PPP2R2A: variants seen among roughly 807,000 people sequenced by gnomAD.
The protein encoded by PPP2R2A is serine/threonine-protein phosphatase 2A 55 kDa regulatory subunit B alpha isoform.
PPP2R2A carries 9 observed loss-of-function variants against 53.2 expected under a neutral mutation model. The observed-to-expected ratio is 0.17, with a 90% CI of 0.10 to 0.30. The LOEUF (loss-of-function observed/expected upper bound fraction) is 0.30, where lower values mean the gene tolerates loss of function less well. PPP2R2A is among the 10% of genes least tolerant of loss of function. PPP2R2A has a pLI of 1.00. For missense variants in PPP2R2A, 235 were observed against 534.6 expected, an observed-to-expected ratio of 0.44 and a Z score of 5.53; for synonymous variants, 169 against 174.2, an observed-to-expected ratio of 0.97 and a Z score of 0.23.
chr8:26,307,377 C>T (rs764380370), intron 2 of PPP2R2A, among the ~76,000 whole-genome samples: 1 of 152,150 alleles, frequency 6.6e-6, no homozygotes, highest in Non-Finnish European at 1.5e-5. Context: ...GTAAAGTGAT[C>T]GGTTCATTTT....
Position 26,358,037 on chromosome 8 carries a change from C to T in PPP2R2A, c.347-2132C>T, listed in dbSNP as rs1020527193. Among the ~76,000 whole-genome samples, 40 of 151,454 alleles carry T rather than the reference C, an allele frequency of 2.6e-4. 1 individual carries two copies. Among genetic ancestry groups the T allele is most frequent in the African/African-American group, 9.7e-4 (40 of 41,416 alleles). ...ATTCTGATTTTTTAAAAATTTATGT[C>T]ATATTTATTAACATACTGATTTATT... is the stretch of plus-strand genomic sequence containing the variant. On this transcript the variant is annotated intron_variant, in intron 4 of 9. Transcript: ENST00000380737.
In PPP2R2A at chr8:26,371,956, C is replaced by T. The variant is rs1233068917; in HGVS notation, c.*1543C>T. ...ATTTATATTATTAGAGAATGGTAGT[C>T]TTATTTTGGTGGAACATAATGTAAC... On this transcript the variant is annotated 3_prime_UTR_variant, in exon 10 of 10. Transcript: ENST00000380737. 1 of 152,064 alleles carries T rather than the reference C, an allele frequency of 6.6e-6. No homozygotes were observed. Among genetic ancestry groups the T allele is most frequent in the Non-Finnish European group, 1.5e-5 (1 of 67,986 alleles). The allele number at this position is 152,064 out of a possible 1,614,324, so 9.4% of individuals were successfully genotyped here.
intron 2 of PPP2R2A, among the ~76,000 whole-genome samples, chr8:26,319,242 G>T (rs892671092): frequency 1.3e-5 from 2 of 152,076 alleles, no homozygotes; most frequent in African/African-American, 4.8e-5. Context: ...TCACCTTTTG[G>T]CTATTTCAAT....
chr8:26,342,470 C>G (rs60552360), intron 3 of PPP2R2A, among the ~76,000 whole-genome samples: 63 of 152,218 alleles, frequency 4.1e-4, no homozygotes, highest in African/African-American at 1.5e-3. Context: ...CATGGGTGCT[C>G]AAATTAGGTA....
chr8:26,370,459 T>G lies in PPP2R2A; in HGVS notation c.*46T>G. The G allele has an allele frequency of 6.3e-7, 1 of 1,583,182 alleles. No individual in the cohort carries two copies. The highest frequency in any genetic ancestry group is 8.6e-7 in the Non-Finnish European group (1 of 1,157,302). ...GAACCCACTTCCTGCTTAGTTGAGA[T>G]AGTTGAATCTAGCATTCGTTCCTAT... On this transcript the variant is annotated 3_prime_UTR_variant, in exon 10 of 10. Coordinates refer to ENST00000380737, the MANE Select transcript of PPP2R2A (RefSeq NM_002717.4). The surrounding 1 kb of genome is among the most constrained non-coding windows in gnomAD (Gnocchi z 6.1).
At chr8:26,369,584 G>A (rs914154320) in intron 9 of PPP2R2A, among the ~76,000 whole-genome samples, 2 of 152,098 alleles carry the variant, frequency 1.3e-5, no homozygotes, top group African/African-American at 2.4e-5. Flanking sequence ...AGTAGAGACC[G>A]GGTTTCACCA....
chr8:26,304,829 T>G (rs921051917), intron 2 of PPP2R2A, among the ~76,000 whole-genome samples: 6 of 152,356 alleles, frequency 3.9e-5, no homozygotes, highest in East Asian at 1.9e-4. Context: ...TGTTCTGTCT[T>G]TCTTCTCCTT....
At chr8:26,294,787 T>A (rs1382051514) in intron 2 of PPP2R2A, among the ~76,000 whole-genome samples, 5 of 152,160 alleles carry the variant, frequency 3.3e-5, no homozygotes, top group Non-Finnish European at 5.9e-5. Flanking sequence ...CATCCTTAAT[T>A]GTCTGTTTTA....
intron 2 of PPP2R2A, among the ~76,000 whole-genome samples, chr8:26,311,536 G>C (rs933887946): frequency 6.6e-6 from 1 of 152,096 alleles, no homozygotes; most frequent in Admixed American, 6.5e-5. Context: ...GGGCACGGTG[G>C]TGCAAGCATG....
intron 2 of PPP2R2A, among the ~76,000 whole-genome samples, chr8:26,308,997 G>T (rs1585334078): frequency 6.6e-6 from 1 of 152,112 alleles, no homozygotes; most frequent in East Asian, 1.9e-4. Context: ...AGTGGTTGGG[G>T]CTTCAGGTGT....
intron 2 of PPP2R2A, among the ~76,000 whole-genome samples, chr8:26,318,059 C>CT (rs1254659194): frequency 1.3e-5 from 2 of 152,012 alleles, no homozygotes; most frequent in African/African-American, 4.8e-5. Context: ...TGTTAAAACT[C>CT]TGTGTGTATG....
Position 26,291,825 on chromosome 8 carries a change from A to G in PPP2R2A, c.6A>G (p.Ala2=). M[A]GAGGGNDIQW... ...GTCACCATTTGCAGCGCAACATGGC[A>G]GGTAAAGGAGAAATCCCCCTCGCCC... Residue 2 remains alanine (A), a splice_region_variant and synonymous_variant, in exon 1 of 10, where the codon GCA becomes GCG. Coordinates refer to ENST00000380737, the MANE Select transcript of PPP2R2A (RefSeq NM_002717.4). The G allele has an allele frequency of 6.2e-7, 1 of 1,609,138 alleles. No individual in the cohort carries two copies.
chr8:26,315,771 C>A (rs146009203), intron 2 of PPP2R2A, among the ~76,000 whole-genome samples: 1 of 152,078 alleles, frequency 6.6e-6, no homozygotes, highest in East Asian at 1.9e-4. Flanking sequence ...TGTTGCCTTG[C>A]GTTTTCTTTG....
chr8:26,356,191 A>G (rs188692106), intron 4 of PPP2R2A, among the ~76,000 whole-genome samples: 10 of 152,344 alleles, frequency 6.6e-5, no homozygotes, highest in Admixed American at 5.9e-4. Context: ...TGCAGAATAT[A>G]TACTTAAATG....
In PPP2R2A at chr8:26,354,689, C is replaced by G; in HGVS notation, c.346+56C>G. On this transcript the variant is annotated intron_variant, in intron 4 of 9. Coordinates refer to ENST00000380737, the MANE Select transcript of PPP2R2A (RefSeq NM_002717.4). The surrounding 1 kb of genome is among the most constrained non-coding windows in gnomAD (Gnocchi z 4.6). ...CACTGTGTGTACCTGTTGCACATAT[C>G]CTGTAGCCTAGGAGAGGAATCATTT... The G allele has an allele frequency of 3.7e-6, 5 of 1,343,962 alleles. No individual in the cohort carries two copies. The highest frequency in any genetic ancestry group is 1.5e-5 in the African/African-American group (1 of 67,726). The allele number at this position is 1,343,962 out of a possible 1,614,324, so 83.3% of individuals were successfully genotyped here. A position where few individuals can be genotyped will look rare whatever the true frequency, so the allele number is the denominator to read the frequency against.
chr8:26,356,876 C>T (rs1804808378), intron 4 of PPP2R2A, among the ~76,000 whole-genome samples: 1 of 152,300 alleles, frequency 6.6e-6, no homozygotes, highest in East Asian at 1.9e-4. Flanking sequence ...TCGGATCCTT[C>T]CCCTTCCCCT....
intron 1 of PPP2R2A, chr8:26,293,322 A>G (rs894885674): frequency 2.0e-6 from 3 of 1,476,198 alleles, no homozygotes; most frequent in African/African-American, 2.8e-5. Context: ...GGCTTTTTGT[A>G]CACTTAAGAA....
chr8:26,328,297 T>A (rs548702504), intron 2 of PPP2R2A, among the ~76,000 whole-genome samples: 1 of 152,304 alleles, frequency 6.6e-6, no homozygotes, highest in East Asian at 1.9e-4. Flanking sequence ...ACTGAGAGAG[T>A]TCAGTTCTAA....
At chr8:26,317,696 A>T (rs1324845959) in intron 2 of PPP2R2A, among the ~76,000 whole-genome samples, 1 of 152,248 alleles carries the variant, frequency 6.6e-6, no homozygotes, top group Admixed American at 6.5e-5. Context: ...ACAGTCACAC[A>T]AGCTAGTATA....
Sources: allele counts gnomAD v4.1 joint callset (sites outside exome capture counted in the v4.1 genomes callset), GRCh38; gene constraint gnomAD v4.1.1; non-coding constraint Gnocchi (gnomAD v3.1); transcripts MANE v1.5; gene names NCBI Gene and HGNC (gene_info 2026-07-23, HGNC 2026-07-21).